WWOX: variants seen among roughly 807,000 people sequenced by gnomAD.
WWOX encodes WW domain-containing oxidoreductase.
A neutral mutation model predicts 46.2 loss-of-function variants in WWOX; 69 were observed. The ratio of observed to expected loss-of-function variants is 1.49; its 90% CI spans 1.23 to 1.82. The LOEUF (loss-of-function observed/expected upper bound fraction) is 1.82. WWOX is among the 40% of genes most tolerant of loss of function. WWOX has a pLI of 0.00. For missense variants in WWOX, 919 were observed against 542.6 expected (o/e 1.69, Z -6.89); for synonymous variants, 359 against 202.6 (o/e 1.77, Z -6.56).
At chr16:78,619,670 C>T (rs8057120) in intron 8 of WWOX, among the ~76,000 whole-genome samples, 4,408 of 151,842 alleles carry the variant, frequency 0.029, 222 homozygotes, top group African/African-American at 0.1. Flanking sequence ...TTCGGGAGTC[C>T]AAGGTAGGAG....
intron 5 of WWOX, among the ~76,000 whole-genome samples, chr16:78,248,935 C>T (rs1246414966): frequency 7.0e-6 from 1 of 142,772 alleles, no homozygotes; most frequent in African/African-American, 2.6e-5. Context: ...TGGCTCACTG[C>T]AAGCTTCACC....
intron 8 of WWOX, among the ~76,000 whole-genome samples, chr16:78,653,294 A>C (rs1468432174): frequency 6.6e-6 from 1 of 152,196 alleles, no homozygotes; most frequent in Non-Finnish European, 1.5e-5. Context: ...GCCATTTATA[A>C]TTTGGACACT....
At position 78,654,174 on chromosome 16, in the gene WWOX, A is replaced by C. The variant is rs538968263; in HGVS notation, c.1056+221422A>C. On this transcript the variant is annotated intron_variant, in intron 8 of 8. Coordinates refer to ENST00000566780, the MANE Select transcript of WWOX (RefSeq NM_016373.4). The stretch of plus-strand genomic sequence containing the variant: ...TTTAGAATCAGAAAGTGTGAGTTCA[A>C]ATTGCCTTCGGCTCTTCACCTGGGT... Among the ~76,000 whole-genome samples, 21 of 152,332 alleles carry C rather than the reference A, an allele frequency of 1.4e-4. No homozygotes were observed. In the East Asian group the frequency reaches 3.5e-3, roughly 25 times the overall value.
intron 8 of WWOX, among the ~76,000 whole-genome samples, chr16:78,593,647 C>G (rs1019756096): frequency 1.3e-5 from 2 of 151,998 alleles, no homozygotes; most frequent in African/African-American, 4.8e-5. Flanking sequence ...ATAACTTCAC[C>G]ACACACAGCT....
intron 8 of WWOX, among the ~76,000 whole-genome samples, chr16:79,018,992 A>C (rs1207854028): frequency 1.3e-5 from 2 of 151,632 alleles, no homozygotes; most frequent in Non-Finnish European, 2.9e-5. Flanking sequence ...CTCTACAAAA[A>C]ATTTTAAAAA....
At chr16:79,207,742 A>G (rs919780431) in intron 8 of WWOX, among the ~76,000 whole-genome samples, 2 of 152,196 alleles carry the variant, frequency 1.3e-5, no homozygotes, top group Non-Finnish European at 2.9e-5. Context: ...TGTGAGTATT[A>G]TATTAGAGTA....
At chr16:78,418,350 A>C (rs937759316) in intron 6 of WWOX, among the ~76,000 whole-genome samples, 1 of 151,884 alleles carries the variant, frequency 6.6e-6, no homozygotes, top group Non-Finnish European at 1.5e-5. Context: ...GGCAGGAGAC[A>C]GAGTAAGACT....
At chr16:78,629,324 C>T (rs894055913) in intron 8 of WWOX, among the ~76,000 whole-genome samples, 10 of 151,612 alleles carry the variant, frequency 6.6e-5, no homozygotes, top group African/African-American at 2.4e-4. Context: ...CACTTGATAG[C>T]AATGTAGGGT....
chr16:78,509,506 T>C (rs2085304365), intron 8 of WWOX, among the ~76,000 whole-genome samples: 1 of 152,102 alleles, frequency 6.6e-6, no homozygotes, highest in Admixed American at 6.5e-5. Context: ...TTTTACCGCA[T>C]GTGACTATTA....
At chr16:78,519,293 C>T (rs887007228) in intron 8 of WWOX, among the ~76,000 whole-genome samples, 12 of 152,048 alleles carry the variant, frequency 7.9e-5, no homozygotes, top group Admixed American at 2.0e-4. Flanking sequence ...GAGCTTGCTC[C>T]GATTGCTTTC....
chr16:79,088,089 A>C (rs564517630), intron 8 of WWOX, among the ~76,000 whole-genome samples: 1 of 152,116 alleles, frequency 6.6e-6, no homozygotes, highest in African/African-American at 2.4e-5. Flanking sequence ...GTGTGAGCTC[A>C]TCTGGTACTC....
rs56396291 is a variant in WWOX at position 79,128,467 on chromosome 16, C to G, written c.1057-83141C>G. 8.7e-3 allele frequency among the ~76,000 whole-genome samples: 1,323 copies of G among 151,958 alleles called. 16 individuals carry two copies. The highest frequency in any genetic ancestry group is 0.03 in the African/African-American group (1,260 of 41,440). ...TAAAGTCATTATCATCCCCCTGTTA[C>G]AGGTAAGAAAATTAAGGCTCAGAGA... On this transcript the variant is annotated intron_variant, in intron 8 of 8. Transcript: ENST00000566780.
chr16:78,541,096 T>A lies in WWOX; in HGVS notation c.1056+108344T>A, dbSNP rs1445279414. On this transcript the variant is annotated intron_variant, in intron 8 of 8. Coordinates refer to ENST00000566780, the MANE Select transcript of WWOX (RefSeq NM_016373.4). ...TTGAGAATATTCGGAGAACCTAATATATTTTGAGACCTGACATTTATTTTA... is the reference window on the plus strand; with the variant it reads ...TTGAGAATATTCGGAGAACCTAATAAATTTTGAGACCTGACATTTATTTTA... Among the ~76,000 whole-genome samples, 3 of 152,306 alleles carry A rather than the reference T, an allele frequency of 2.0e-5. No homozygotes were observed. The East Asian group carries it at 5.8e-4, about 29-fold the overall frequency.
intron 8 of WWOX, among the ~76,000 whole-genome samples, chr16:78,603,843 T>A (rs981484256): frequency 3.9e-5 from 6 of 152,148 alleles, no homozygotes; most frequent in African/African-American, 1.4e-4. Context: ...CAGTAGACTC[T>A]CTCAAAAATT....
chr16:78,738,670 T>G (rs911915754), intron 8 of WWOX, among the ~76,000 whole-genome samples: 1 of 152,162 alleles, frequency 6.6e-6, no homozygotes, highest in African/African-American at 2.4e-5. Flanking sequence ...TTGATCGCAT[T>G]TGCTTCTCCT....
intron 8 of WWOX, among the ~76,000 whole-genome samples, chr16:79,093,416 G>C (rs138378675): frequency 3.9e-4 from 59 of 152,222 alleles, no homozygotes; most frequent in African/African-American, 1.4e-3. Context: ...GTGGCTTATT[G>C]TGACCCAACA....
At chr16:78,478,774 C>G (rs919254077) in intron 8 of WWOX, among the ~76,000 whole-genome samples, 1 of 152,216 alleles carries the variant, frequency 6.6e-6, no homozygotes, top group African/African-American at 2.4e-5. Context: ...GCAGTTCAAA[C>G]TAGACAGCTG....
intron 8 of WWOX, among the ~76,000 whole-genome samples, chr16:78,683,489 G>A (rs1567488181): frequency 6.6e-6 from 1 of 151,682 alleles, no homozygotes; most frequent in Non-Finnish European, 1.5e-5. Context: ...GCAGTGAGCC[G>A]AGGTTGTGCC....
chr16:78,424,778 T>G (rs1481632172), intron 6 of WWOX, 92 bp from the exon 7 acceptor site: 5 of 1,395,830 alleles, frequency 3.6e-6, no homozygotes, highest in Middle Eastern at 3.5e-4. Context: ...TTGTAGTGTT[T>G]ATGTCCACAT....
Sources: allele counts gnomAD v4.1 joint callset (sites outside exome capture counted in the v4.1 genomes callset), GRCh38; gene constraint gnomAD v4.1.1; transcripts MANE v1.5; gene names NCBI Gene and HGNC (gene_info 2026-07-23, HGNC 2026-07-21).